EFR3A: variants seen among roughly 807,000 people sequenced by gnomAD.
EFR3A encodes the protein protein EFR3 homolog A.
In EFR3A, 76 loss-of-function variants were observed where a neutral mutation model predicts 104.4. The ratio of observed to expected loss-of-function variants is 0.73; its 90% confidence interval spans 0.60 to 0.88. The LOEUF is 0.88. EFR3A is among the 40% of genes least tolerant of loss of function. The probability of loss-of-function intolerance (pLI) is 0.00; values close to 1 mark genes in which losing one functional copy is unlikely to be tolerated. For synonymous variants in EFR3A, 330 were observed against 330.0 expected, an observed-to-expected ratio of 1.00 and a Z score of 0.00; for missense variants, 985 against 1,012.5, an observed-to-expected ratio of 0.97 and a Z score of 0.37.
chr8:131,970,396 T>A, intron 9 of EFR3A, 80 bp from the exon 10 acceptor site: 2 of 1,300,002 alleles, frequency 1.5e-6, no homozygotes, highest in South Asian at 2.8e-5. Flanking sequence ...ACAGAAACAA[T>A]CTGTGGAGAA....
At chr8:131,949,621 T>C (rs1818600246) in intron 4 of EFR3A, among the ~76,000 whole-genome samples, 2 of 151,362 alleles carry the variant, frequency 1.3e-5, no homozygotes, top group African/African-American at 4.9e-5. Flanking sequence ...CTGGGCAACA[T>C]AGCAAGACCC....
chr8:131,922,642 C>T (rs754827732), intron 1 of EFR3A, among the ~76,000 whole-genome samples: 2 of 152,104 alleles, frequency 1.3e-5, no homozygotes, highest in Non-Finnish European at 2.9e-5. Flanking sequence ...CTTAAATTCT[C>T]CAGTTATTCT....
At chr8:131,970,253 G>A (rs193019741) in intron 9 of EFR3A, among the ~76,000 whole-genome samples, 4 of 152,254 alleles carry the variant, frequency 2.6e-5, no homozygotes, top group Admixed American at 2.6e-4. Flanking sequence ...TTCAAACGGT[G>A]AGTTGCTCAT....
Position 131,946,475 on chromosome 8 carries a change from A to G in EFR3A, c.216-8A>G, listed in dbSNP as rs370151570. 7.8e-6 allele frequency: 12 copies of G among 1,537,984 alleles called. No homozygotes were observed. In the African/African-American group the frequency reaches 1.5e-4, roughly 20 times the overall value. On this transcript the variant is annotated splice_region_variant and splice_polypyrimidine_tract_variant and intron_variant, in intron 3 of 22. Transcript: ENST00000254624. Reference sequence around the variant, plus strand: ...AATGCTTTGACATTCTTTTTCTCCTACATGTAGGTATGTTTTGATTGCTAT... The same window carrying G: ...AATGCTTTGACATTCTTTTTCTCCTGCATGTAGGTATGTTTTGATTGCTAT...
chr8:131,962,629 T>C (rs1200263186), intron 8 of EFR3A, among the ~76,000 whole-genome samples: 1 of 152,142 alleles, frequency 6.6e-6, no homozygotes, highest in Admixed American at 6.5e-5. Context: ...AACACCCCAC[T>C]GTCAACATTA....
intron 19 of EFR3A, among the ~76,000 whole-genome samples, chr8:131,998,299 T>A (rs1472697234): frequency 6.6e-6 from 1 of 152,084 alleles, no homozygotes; most frequent in Non-Finnish European, 1.5e-5. Flanking sequence ...ACTATTTTCT[T>A]AAAATGAATC....
intron 21 of EFR3A, 120 bp downstream of exon 21, chr8:132,002,826 T>C (rs1009312184): frequency 4.0e-6 from 3 of 757,042 alleles, no homozygotes; most frequent in South Asian, 1.9e-5. Flanking sequence ...GGAAAATATA[T>C]CAGATAAGGA....
At chr8:131,969,024 T>C (rs1291596367) in intron 9 of EFR3A, among the ~76,000 whole-genome samples, 1 of 152,124 alleles carries the variant, frequency 6.6e-6, no homozygotes, top group East Asian at 1.9e-4. Flanking sequence ...GGCAGCAAAA[T>C]GTAGGGCACA....
intron 1 of EFR3A, among the ~76,000 whole-genome samples, chr8:131,935,883 T>A (rs1391473086): frequency 6.6e-6 from 1 of 151,762 alleles, no homozygotes; most frequent in Non-Finnish European, 1.5e-5. Flanking sequence ...TTTTTAATGA[T>A]CCAAGTCCCC....
At chr8:131,968,510 G>C in intron 9 of EFR3A, 80 bp downstream of exon 9, 1 of 1,333,760 alleles carries the variant, frequency 7.5e-7, no homozygotes, top group South Asian at 1.7e-5. Flanking sequence ...AGTGTATGAA[G>C]AACTCTTTAA....
intron 18 of EFR3A, among the ~76,000 whole-genome samples, chr8:131,992,653 A>G (rs559588893): frequency 1.3e-5 from 2 of 152,312 alleles, no homozygotes; most frequent in South Asian, 4.1e-4. Flanking sequence ...AAGCGATGTG[A>G]TGTTCAGATA....
chr8:131,940,304 C>T, intron 1 of EFR3A, 195 bp from the exon 2 acceptor site: 1 of 579,280 alleles, frequency 1.7e-6, no homozygotes, highest in South Asian at 2.6e-5. Context: ...TTCTTAGAAG[C>T]TGTGTGTCTT....
At chr8:131,974,467 G>C (rs1212662802) in intron 10 of EFR3A, among the ~76,000 whole-genome samples, 1 of 152,146 alleles carries the variant, frequency 6.6e-6, no homozygotes, top group Non-Finnish European at 1.5e-5. Context: ...GCAAGACTAG[G>C]AATGTATCTA....
intron 2 of EFR3A, 90 bp downstream of exon 2, chr8:131,940,665 C>T: frequency 6.7e-7 from 1 of 1,489,848 alleles, no homozygotes; most frequent in South Asian, 1.4e-5. Context: ...TTTCATTTCT[C>T]TACTTTTACC....
chr8:131,961,082 C>G (rs1006947577), intron 8 of EFR3A, among the ~76,000 whole-genome samples: 1 of 152,092 alleles, frequency 6.6e-6, no homozygotes, highest in Admixed American at 6.6e-5. Flanking sequence ...CATAAAAGAC[C>G]AAAGGTAGAT....
At chr8:131,914,219 T>A (rs1206519809) in intron 1 of EFR3A, among the ~76,000 whole-genome samples, 1 of 152,212 alleles carries the variant, frequency 6.6e-6, no homozygotes, top group East Asian at 1.9e-4. Flanking sequence ...TTTTCTTAGC[T>A]GGGCTGGAGT....
intron 19 of EFR3A, chr8:132,000,729 A>G (rs1231354307): frequency 6.6e-6 from 1 of 152,220 alleles, no homozygotes; most frequent in Non-Finnish European, 1.5e-5. Flanking sequence ...ATAATTGACC[A>G]GCCAGAGCCT....
chr8:131,910,931 C>A (rs1816483905), intron 1 of EFR3A, among the ~76,000 whole-genome samples: 3 of 152,076 alleles, frequency 2.0e-5, no homozygotes, highest in Admixed American at 2.0e-4. Context: ...CAGAAAATCC[C>A]AATATGGCCC....
At chr8:131,968,657 A>G (rs1353015450) in intron 9 of EFR3A, among the ~76,000 whole-genome samples, 1 of 152,170 alleles carries the variant, frequency 6.6e-6, no homozygotes, top group African/African-American at 2.4e-5. Flanking sequence ...TTCTTCTAAT[A>G]AAGGTTTTTG....
Sources: allele counts gnomAD v4.1 joint callset (sites outside exome capture counted in the v4.1 genomes callset), GRCh38; gene constraint gnomAD v4.1.1; transcripts MANE v1.5; gene names NCBI Gene and HGNC (gene_info 2026-07-23, HGNC 2026-07-21).